The following PCDHA6 variants were observed in gnomAD, a reference collection of about 807,000 sequenced individuals.
PCDHA6 encodes the protein protocadherin alpha 6.
Under a neutral mutation model 60.3 loss-of-function variants are expected in PCDHA6, and 55 were observed. The ratio of observed to expected loss-of-function variants is 0.91; its 90% CI spans 0.73 to 1.14. PCDHA6 has a LOEUF of 1.14. Among genes scored for constraint, PCDHA6 ranks in the 50% most tolerant of loss-of-function variants. The pLI is 0.00. For synonymous variants in PCDHA6, 652 were observed against 557.9 expected (o/e 1.17, Z -2.38); for missense variants, 1,327 against 1,256.5 (o/e 1.06, Z -0.85).
chr5:140,846,306 A>G (rs1444661370), intron 1 of PCDHA6, among the ~76,000 whole-genome samples: 4 of 147,710 alleles, frequency 2.7e-5, no homozygotes, highest in South Asian at 4.3e-4. Context: ...TAAGTAAACC[A>G]TTTATGTAGA....
intron 1 of PCDHA6, among the ~76,000 whole-genome samples, chr5:140,890,160 C>T (rs1554184178): frequency 1.3e-5 from 2 of 152,246 alleles, no homozygotes; most frequent in East Asian, 3.9e-4. Context: ...AGTATTTCTG[C>T]CACAGAAATA....
At chr5:140,855,129 T>A (rs1294464792) in intron 1 of PCDHA6, among the ~76,000 whole-genome samples, 1 of 149,788 alleles carries the variant, frequency 6.7e-6, no homozygotes, top group African/African-American at 2.4e-5. Context: ...TAGGTAATAA[T>A]TTTGCCTGAT....
rs2150362275 is a variant in PCDHA6 at position 140,843,540 on chromosome 5, T to G, written c.2394+13055T>G. On this transcript the variant is annotated intron_variant, in intron 1 of 3. Transcript: ENST00000529310. Reference sequence around the variant, plus strand: ...TGCCGGGCGGGCAAGCCCACTCTGGTGTGCTCCAGTGCGGTGGGGAGCTGG... The same window carrying G: ...TGCCGGGCGGGCAAGCCCACTCTGGGGTGCTCCAGTGCGGTGGGGAGCTGG... 12 of 1,595,850 alleles carry G rather than the reference T, an allele frequency of 7.5e-6. 3 individuals are homozygous for G. Among genetic ancestry groups the G allele is most frequent in the Non-Finnish European group, 1.0e-5 (12 of 1,165,530 alleles).
intron 1 of PCDHA6, among the ~76,000 whole-genome samples, chr5:140,893,520 T>G (rs1490032872): frequency 6.6e-6 from 1 of 152,152 alleles, no homozygotes; most frequent in Non-Finnish European, 1.5e-5. Flanking sequence ...GTTGTAGAAC[T>G]CCTTTAAGTA....
chr5:140,923,865 A>G (rs1422887617), intron 1 of PCDHA6, among the ~76,000 whole-genome samples: 1 of 152,226 alleles, frequency 6.6e-6, no homozygotes, highest in Non-Finnish European at 1.5e-5. Flanking sequence ...GGGAAGCCAA[A>G]AATCTGAGAA....
At position 140,852,979 on chromosome 5, in the gene PCDHA6, C is replaced by T. The variant is rs1163126310; in HGVS notation, c.2394+22494C>T. ...CTCCAAGCTCCCCCTCCCGTGTTCA[C>T]GCCATTCTCCTGCCTCAGCCTCCCG... On this transcript the variant is annotated intron_variant, in intron 1 of 3. Transcript: ENST00000529310. 7 of 345,732 alleles carry T rather than the reference C, an allele frequency of 2.0e-5. No individual in the cohort carries two copies. In the East Asian group the frequency reaches 5.0e-4, roughly 24 times the overall value. 21.4% of individuals were successfully genotyped at this position (345,732 alleles called of 1,614,324 possible).
intron 1 of PCDHA6, chr5:140,967,425 C>A (rs1218574888): frequency 1.2e-6 from 2 of 1,613,178 alleles, no homozygotes; most frequent in Non-Finnish European, 1.7e-6. Context: ...CGGGAGCAGG[C>A]AGCCTTGCAC....
At chr5:140,969,819 A>G (rs2096362307) in intron 1 of PCDHA6, among the ~76,000 whole-genome samples, 1 of 152,168 alleles carries the variant, frequency 6.6e-6, no homozygotes, top group African/African-American at 2.4e-5. Context: ...TATACTCTGG[A>G]CTGTCTACAG....
At chr5:140,950,384 T>C (rs1242946878) in intron 1 of PCDHA6, among the ~76,000 whole-genome samples, 8 of 152,028 alleles carry the variant, frequency 5.3e-5, no homozygotes, top group Non-Finnish European at 8.8e-5. Context: ...TCCATTTGAA[T>C]GATATAGAAT....
At chr5:140,953,254 C>A (rs1483553184) in intron 1 of PCDHA6, among the ~76,000 whole-genome samples, 3 of 152,098 alleles carry the variant, frequency 2.0e-5, no homozygotes, top group Non-Finnish European at 2.9e-5. Flanking sequence ...CAGTTTAGTT[C>A]TTTTAGCTTT....
At chr5:140,888,613 A>C (rs782529480) in intron 1 of PCDHA6, among the ~76,000 whole-genome samples, 4 of 152,184 alleles carry the variant, frequency 2.6e-5, no homozygotes, top group Non-Finnish European at 5.9e-5. Flanking sequence ...TTAGTGTAGC[A>C]CTAATTCGGC....
At chr5:140,915,581 A>G (rs1563006188) in intron 1 of PCDHA6, among the ~76,000 whole-genome samples, 1 of 151,994 alleles carries the variant, frequency 6.6e-6, no homozygotes, top group Non-Finnish European at 1.5e-5. Flanking sequence ...GCCAGGCAAA[A>G]GCACTTGTTC....
At chr5:140,955,477 C>T (rs1401684156) in intron 1 of PCDHA6, among the ~76,000 whole-genome samples, 2 of 152,128 alleles carry the variant, frequency 1.3e-5, no homozygotes, top group African/African-American at 4.8e-5. Context: ...CTTGGCACCT[C>T]TCCTTCCTGC....
At chr5:140,997,504 C>T (rs2097772452) in intron 3 of PCDHA6, among the ~76,000 whole-genome samples, 1 of 152,042 alleles carries the variant, frequency 6.6e-6, no homozygotes, top group South Asian at 2.1e-4. Flanking sequence ...TCTCAACATA[C>T]CTAAACGCAG....
chr5:140,954,978 A>C (rs1268797182), intron 1 of PCDHA6, among the ~76,000 whole-genome samples: 2 of 152,176 alleles, frequency 1.3e-5, no homozygotes, highest in African/African-American at 4.8e-5. Context: ...GTCCAGTTTC[A>C]ATTTTCTGCA....
At chr5:140,868,071 TTTTA>T (rs2050265335) in intron 1 of PCDHA6, 1 of 152,116 alleles carries the variant, frequency 6.6e-6, no homozygotes. Flanking sequence ...TTCAGGGTGA[TTTTA>T]TTTATTTTAT....
At chr5:140,841,103 G>T in intron 1 of PCDHA6, 2 of 582,476 alleles carry the variant, frequency 3.4e-6, no homozygotes, top group Non-Finnish European at 5.9e-6. Context: ...AGATATTGCG[G>T]AAGTAATTCA....
intron 1 of PCDHA6, chr5:140,831,338 AATTT>A (rs1275067548): frequency 6.7e-6 from 1 of 149,500 alleles, no homozygotes; most frequent in East Asian, 2.0e-4. Context: ...TCTACACAGT[AATTT>A]AAACTATTCA....
At chr5:140,918,970 T>C (rs1217884686) in intron 1 of PCDHA6, among the ~76,000 whole-genome samples, 1 of 152,220 alleles carries the variant, frequency 6.6e-6, no homozygotes, top group Non-Finnish European at 1.5e-5. Flanking sequence ...CAGATATCGT[T>C]TAGGTTAGTT....
Sources: gnomAD v4.1 joint callset for allele counts (sites outside exome capture counted in the v4.1 genomes callset) on GRCh38, gnomAD v4.1.1 for gene constraint, MANE v1.5 for transcripts, NCBI Gene and HGNC (gene_info 2026-07-23, HGNC 2026-07-21) for gene names.